Variants in SBF2 observed in about 807,000 individuals in gnomAD.
The protein encoded by SBF2 is SET binding factor 2, also known as myotubularin-related protein 13.
A neutral mutation model predicts 225.2 loss-of-function variants in SBF2; 112 were observed. The observed-to-expected ratio is 0.50, with a 90% CI of 0.43 to 0.58. SBF2 has a LOEUF of 0.58. Ranked by LOEUF, SBF2 falls within the 20% of genes least tolerant of loss-of-function variation. SBF2 has a pLI of 0.00. For synonymous variants in SBF2, 763 were observed against 773.3 expected (o/e 0.99, Z 0.22); for missense variants, 1,996 against 2,206.2 (o/e 0.90, Z 1.91).
At chr11:9,912,412 C>T (rs1027859157) in intron 16 of SBF2, among the ~76,000 whole-genome samples, 2 of 151,544 alleles carry the variant, frequency 1.3e-5, no homozygotes, top group African/African-American at 4.9e-5. Flanking sequence ...TGGTGAAACC[C>T]CATCTCTACT....
Position 9,967,241 on chromosome 11 carries a change from G to A in SBF2, c.1600+1100C>T, listed in dbSNP as rs947498299. Among the ~76,000 whole-genome samples, 3 of 152,142 alleles carry A rather than the reference G, an allele frequency of 2.0e-5. No homozygotes were observed. The South Asian group carries it at 6.2e-4, about 32-fold the overall frequency. On this transcript the variant is annotated intron_variant, in intron 14 of 39. Transcript: ENST00000256190. ...AAAAAAATTAGCCGGGCCTGGTGGC[G>A]GGCGCCTGGAGTCCCAGCTACTCAA...
intron 16 of SBF2, among the ~76,000 whole-genome samples, chr11:9,921,258 T>C (rs1037396001): frequency 2.6e-5 from 4 of 151,958 alleles, no homozygotes; most frequent in Admixed American, 6.6e-5. Context: ...TCAGTAGAGA[T>C]GGGGTTTCTC....
At chr11:10,093,423 A>C (rs1029868874) in intron 2 of SBF2, among the ~76,000 whole-genome samples, 4 of 151,980 alleles carry the variant, frequency 2.6e-5, no homozygotes, top group Non-Finnish European at 2.9e-5. Flanking sequence ...CCAATCTTGA[A>C]AGAATAAGCT....
At chr11:9,886,012 A>G (rs913832230) in intron 17 of SBF2, among the ~76,000 whole-genome samples, 4 of 152,202 alleles carry the variant, frequency 2.6e-5, no homozygotes, top group Non-Finnish European at 5.9e-5. Flanking sequence ...TTTGTCAAAC[A>G]CATGGTCCCT....
intron 17 of SBF2, among the ~76,000 whole-genome samples, chr11:9,876,660 A>C (rs1018501215): frequency 6.6e-6 from 1 of 152,180 alleles, no homozygotes; most frequent in African/African-American, 2.4e-5. Context: ...TGAGAAAATA[A>C]ATTTCTGTTG....
At chr11:10,252,749 G>A (rs765578617) in intron 1 of SBF2, among the ~76,000 whole-genome samples, 13 of 39,892 alleles carry the variant, frequency 3.3e-4, no homozygotes, top group Non-Finnish European at 9.1e-4. Context: ...GGCGGAGCTT[G>A]CAGCGAGCTT....
intron 1 of SBF2, among the ~76,000 whole-genome samples, chr11:10,237,409 C>T (rs909274740): frequency 2.0e-5 from 3 of 149,734 alleles, no homozygotes; most frequent in Non-Finnish European, 3.0e-5. Flanking sequence ...TTGTTAAATA[C>T]CTGATGCTTG....
chr11:9,897,999 A>G (rs1413296435), intron 16 of SBF2, among the ~76,000 whole-genome samples: 7 of 152,116 alleles, frequency 4.6e-5, no homozygotes, highest in Non-Finnish European at 7.4e-5. Flanking sequence ...TGACCAGGAG[A>G]GCAGCAGAAG....
intron 16 of SBF2, among the ~76,000 whole-genome samples, chr11:9,921,487 G>A (rs1270074075): frequency 3.3e-5 from 5 of 152,124 alleles, no homozygotes; most frequent in Non-Finnish European, 5.9e-5. Flanking sequence ...TCTAATGCTC[G>A]CTAAACTTTG....
intron 17 of SBF2, among the ~76,000 whole-genome samples, chr11:9,865,516 CCT>C (rs1440923842): frequency 1.3e-5 from 2 of 151,456 alleles, no homozygotes; most frequent in Non-Finnish European, 2.9e-5. Context: ...ATAGTGAAAC[CCT>C]GTCTCTACTA....
At chr11:10,038,579 T>C (rs1226495896) in intron 3 of SBF2, among the ~76,000 whole-genome samples, 1 of 151,932 alleles carries the variant, frequency 6.6e-6, no homozygotes, top group Non-Finnish European at 1.5e-5. Context: ...ACTTAGCATA[T>C]GATACTTTGG....
intron 1 of SBF2, among the ~76,000 whole-genome samples, chr11:10,228,448 G>A (rs1026110329): frequency 6.6e-6 from 1 of 152,174 alleles, no homozygotes; most frequent in Non-Finnish European, 1.5e-5. Flanking sequence ...GTATGATATT[G>A]GCTGTAGGTT....
rs368029355 is a variant in SBF2 at position 10,065,199 on chromosome 11, A to G, written c.142-22218T>C. ...ACCAAAGAAGAAGTCAAAAGAAAAAATGGAAATTATTCAGAACTAAATGAA... is the reference window on the plus strand; with the variant it reads ...ACCAAAGAAGAAGTCAAAAGAAAAAGTGGAAATTATTCAGAACTAAATGAA... On this transcript the variant is annotated intron_variant, in intron 2 of 39. Coordinates refer to ENST00000256190, the MANE Select transcript of SBF2 (RefSeq NM_030962.4). 6.2e-4 allele frequency among the ~76,000 whole-genome samples: 94 copies of G among 152,332 alleles called. 1 individual carries two copies. The South Asian group carries it at 0.019, about 30-fold the overall frequency.
intron 16 of SBF2, among the ~76,000 whole-genome samples, chr11:9,900,151 C>T (rs1342461881): frequency 1.3e-5 from 2 of 150,938 alleles, no homozygotes; most frequent in Non-Finnish European, 2.9e-5. Flanking sequence ...TAAAAGAAAG[C>T]AGTTGTAGAA....
At position 10,241,725 on chromosome 11, in the gene SBF2, G is replaced by C. The variant is rs1009945499; in HGVS notation, c.56-47738C>G. On this transcript the variant is annotated intron_variant, in intron 1 of 39. Transcript: ENST00000256190. ...CTTTTCGAAACTGGCTCAAGAAACT[G>C]AAAATCCGAGAAGCAGATATCTATA... is the stretch of plus-strand genomic sequence containing the variant. Among the ~76,000 whole-genome samples the C allele has an allele frequency of 3.3e-5, 5 of 152,048 alleles. No individual in the cohort carries two copies. The South Asian group carries it at 8.3e-4, about 25-fold the overall frequency.
At chr11:9,917,716 C>T (rs1208543844) in intron 16 of SBF2, among the ~76,000 whole-genome samples, 3 of 151,012 alleles carry the variant, frequency 2.0e-5, no homozygotes, top group Non-Finnish European at 2.9e-5. Flanking sequence ...TCTTATGGTA[C>T]GTGCCTTCCT....
intron 16 of SBF2, among the ~76,000 whole-genome samples, chr11:9,905,130 T>C (rs540503740): frequency 2.0e-5 from 3 of 152,364 alleles, no homozygotes; most frequent in South Asian, 4.1e-4. Flanking sequence ...CATTAATGCA[T>C]GTAAAATACT....
At chr11:10,130,872 G>A (rs1954011673) in intron 2 of SBF2, among the ~76,000 whole-genome samples, 1 of 151,854 alleles carries the variant, frequency 6.6e-6, no homozygotes. Context: ...GGTATCAATA[G>A]TTCATTACTT....
chr11:10,117,269 C>T (rs572739775), intron 2 of SBF2, among the ~76,000 whole-genome samples: 27 of 151,836 alleles, frequency 1.8e-4, no homozygotes, highest in African/African-American at 5.6e-4. Flanking sequence ...GGAGAAACCC[C>T]GTGTCTACTA....
Sources: gnomAD v4.1 joint callset for allele counts (sites outside exome capture counted in the v4.1 genomes callset) on GRCh38, gnomAD v4.1.1 for gene constraint, MANE v1.5 for transcripts, NCBI Gene and HGNC (gene_info 2026-07-23, HGNC 2026-07-21) for gene names.